The following LRRC7 variants were observed in gnomAD, a reference collection of about 807,000 sequenced individuals.
LRRC7 encodes leucine rich repeat containing 7.
A neutral mutation model predicts 175.7 loss-of-function variants in LRRC7; 23 were observed. The observed-to-expected ratio is 0.13, with a 90% CI of 0.09 to 0.19. The LOEUF (loss-of-function observed/expected upper bound fraction) is 0.19, where lower values mean the gene tolerates loss of function less well. Among genes scored for constraint, LRRC7 ranks in the 10% least tolerant of loss-of-function variants. LRRC7 has a pLI of 1.00. For synonymous variants in LRRC7, 685 were observed against 680.9 expected, an observed-to-expected ratio of 1.01 and a Z score of -0.09; for missense variants, 1,354 against 1,904.7, an observed-to-expected ratio of 0.71 and a Z score of 5.38.
chr1:70,011,995 G>A (rs1656553959), intron 12 of LRRC7, 69 bp downstream of exon 12: 5 of 1,111,650 alleles, frequency 4.5e-6, no homozygotes. Context: ...ATCTTAACAG[G>A]TAGAATAGCA....
chr1:69,589,430 G>A (rs1384188788), intron 1 of LRRC7, among the ~76,000 whole-genome samples: 2 of 151,988 alleles, frequency 1.3e-5, no homozygotes, highest in East Asian at 1.9e-4. Flanking sequence ...TAGCTCAGAC[G>A]CGTTCATGTC....
chr1:69,704,132 A>T (rs1472951644), intron 2 of LRRC7, among the ~76,000 whole-genome samples: 1 of 149,190 alleles, frequency 6.7e-6, no homozygotes, highest in Non-Finnish European at 1.5e-5. Flanking sequence ...TAGTTATATA[A>T]GTTTTGTGAT....
intron 7 of LRRC7, among the ~76,000 whole-genome samples, chr1:69,925,598 G>A (rs1264364992): frequency 1.3e-5 from 2 of 151,930 alleles, no homozygotes; most frequent in African/African-American, 2.4e-5. Context: ...AGAGGTGTTT[G>A]TAGTATTCTC....
chr1:69,751,723 A>C (rs1669866659), intron 2 of LRRC7, among the ~76,000 whole-genome samples: 1 of 152,160 alleles, frequency 6.6e-6, no homozygotes, highest in African/African-American at 2.4e-5. Context: ...AGCTCTTTGA[A>C]GTCAGGAGAC....
rs571675827 is a variant in LRRC7 at position 70,114,463 on chromosome 1, G to A, written c.4620+6637G>A. Among the ~76,000 whole-genome samples, 24 of 152,216 alleles carry A rather than the reference G, an allele frequency of 1.6e-4. No homozygotes were observed. The South Asian group carries it at 1.9e-3, about 12-fold the overall frequency. On this transcript the variant is annotated intron_variant, in intron 26 of 26. Coordinates refer to ENST00000651989, the MANE Select transcript of LRRC7 (RefSeq NM_001370785.2). ...AGGATTGCTTGAGGCAGAGGCAGGA[G>A]GATTGCTTGAGGCCAGGAGTTCAAG...
chr1:69,700,073 A>G (rs1265534545), intron 2 of LRRC7, among the ~76,000 whole-genome samples: 1 of 152,170 alleles, frequency 6.6e-6, no homozygotes, highest in East Asian at 1.9e-4. Flanking sequence ...CTTTTTCAAC[A>G]TTCTGATCCC....
chr1:69,605,806 TTTTA>T (rs547891470), intron 1 of LRRC7, among the ~76,000 whole-genome samples: 2 of 151,958 alleles, frequency 1.3e-5, no homozygotes, highest in Admixed American at 6.6e-5. Flanking sequence ...GGACATGAGT[TTTTA>T]TTTATTTATT....
chr1:69,980,868 A>G (rs1653353775), intron 9 of LRRC7, among the ~76,000 whole-genome samples: 1 of 152,220 alleles, frequency 6.6e-6, no homozygotes, highest in African/African-American at 2.4e-5. Context: ...CTTCTACAAA[A>G]TAAAAATCTC....
chr1:69,934,384 C>T (rs1364512879), intron 8 of LRRC7, among the ~76,000 whole-genome samples: 1 of 150,672 alleles, frequency 6.6e-6, no homozygotes, highest in Non-Finnish European at 1.5e-5. Context: ...CTTATAGAAG[C>T]ATTTGTAATA....
chr1:69,705,241 C>G (rs1663884697), intron 2 of LRRC7, among the ~76,000 whole-genome samples: 2 of 152,216 alleles, frequency 1.3e-5, no homozygotes, highest in Non-Finnish European at 2.9e-5. Context: ...GGGCTCTGCT[C>G]TACCTTCTCT....
intron 25 of LRRC7, among the ~76,000 whole-genome samples, chr1:70,091,065 T>G (rs1434307681): frequency 6.6e-6 from 1 of 152,124 alleles, no homozygotes; most frequent in Non-Finnish European, 1.5e-5. Flanking sequence ...GGGAGCTCCT[T>G]TGGTCAACAG....
At chr1:69,923,407 T>G (rs901942125) in intron 7 of LRRC7, among the ~76,000 whole-genome samples, 19 of 152,150 alleles carry the variant, frequency 1.2e-4, no homozygotes, top group African/African-American at 3.1e-4. Context: ...ACTTCCACAA[T>G]GGTTGAACTA....
chr1:69,888,584 G>A (rs577532995), intron 7 of LRRC7, among the ~76,000 whole-genome samples: 3 of 152,260 alleles, frequency 2.0e-5, no homozygotes, highest in East Asian at 3.9e-4. Flanking sequence ...CTTCTGCGTC[G>A]CTCACGCTGG....
chr1:69,821,503 C>T (rs915466297), intron 4 of LRRC7, among the ~76,000 whole-genome samples: 3 of 151,744 alleles, frequency 2.0e-5, no homozygotes, highest in African/African-American at 4.8e-5. Flanking sequence ...TTGATTTGTC[C>T]ATCTGTGCCC....
rs1224794404 is a variant in LRRC7, at chr1:70,126,523, T to C, written c.*4636T>C. ...GGGCATCTCCAGGTTGGTGATCACT[T>C]GCATGAACATTTTTCCTTAGCAATA... On this transcript the variant is annotated 3_prime_UTR_variant, in exon 27 of 27. Transcript: ENST00000651989. 6.6e-6 allele frequency among the ~76,000 whole-genome samples: 1 copy of C among 152,112 alleles called. No individual in the cohort carries two copies. Among genetic ancestry groups the C allele is most frequent in the Non-Finnish European group, 1.5e-5 (1 of 68,030 alleles).
rs144593753 is a variant in LRRC7, at chr1:69,978,453, T to C, written c.712-1926T>C. Among the ~76,000 whole-genome samples, 35 of 152,360 alleles carry C rather than the reference T, an allele frequency of 2.3e-4. 1 individual carries two copies. In the East Asian group the frequency reaches 3.5e-3, roughly 15 times the overall value. On this transcript the variant is annotated intron_variant, in intron 8 of 26. Coordinates refer to ENST00000651989, the MANE Select transcript of LRRC7 (RefSeq NM_001370785.2). ...CCTACACATGATTTATGTTTTCCAT[T>C]CTTGCCCAGCCTGACATATAGGCAG... is the stretch of plus-strand genomic sequence containing the variant.
At chr1:69,895,751 T>C (rs2859933) in intron 7 of LRRC7, among the ~76,000 whole-genome samples, 61,501 of 152,056 alleles carry the variant, frequency 0.4, 13,388 homozygotes, top group East Asian at 0.55. Flanking sequence ...GATTGATCCA[T>C]GTTGTAATGT....
chr1:69,782,122 A>G (rs1348624866), intron 3 of LRRC7, among the ~76,000 whole-genome samples: 13 of 152,158 alleles, frequency 8.5e-5, no homozygotes, highest in Admixed American at 6.5e-4. Context: ...CATTGTTGTA[A>G]GTAGAGACAA....
chr1:69,898,541 G>C (rs1428785312), intron 7 of LRRC7, among the ~76,000 whole-genome samples: 1 of 152,234 alleles, frequency 6.6e-6, no homozygotes, highest in Non-Finnish European at 1.5e-5. Flanking sequence ...GAACACTACA[G>C]TGTAATACCA....
Sources: allele counts gnomAD v4.1 joint callset (sites outside exome capture counted in the v4.1 genomes callset), GRCh38; gene constraint gnomAD v4.1.1; transcripts MANE v1.5; gene names NCBI Gene and HGNC (gene_info 2026-07-23, HGNC 2026-07-21).